Variants in ZNF469 observed in about 807,000 individuals in gnomAD.
ZNF469 encodes the protein zinc finger protein 469.
ZNF469 carries 1 observed loss-of-function variant against 1.0 expected under a neutral mutation model. That is an observed-to-expected ratio of 1.00 (90% confidence interval 0.35 to 4.73). The LOEUF (loss-of-function observed/expected upper bound fraction) is 4.73, where lower values mean the gene tolerates loss of function less well. ZNF469 is among the 30% of genes most tolerant of loss of function. The probability of loss-of-function intolerance (pLI) is 0.16; values close to 1 mark genes in which losing one functional copy is unlikely to be tolerated. For synonymous variants in ZNF469, 2,703 were observed against 2,363.4 expected, an observed-to-expected ratio of 1.14 and a Z score of -4.17; for missense variants, 6,100 against 5,356.3, an observed-to-expected ratio of 1.14 and a Z score of -4.33.
chr16:88,257,050 G>A, the ZNF469 span, among the ~76,000 whole-genome samples: 2 of 149,388 alleles, frequency 1.3e-5, no homozygotes, highest in Non-Finnish European at 3.0e-5. Context: ...CTAGGTTCAA[G>A]TGATTCTCCT....
chr16:88,193,216 GTGA>G, the ZNF469 span, among the ~76,000 whole-genome samples: 3 of 102,428 alleles, frequency 2.9e-5, no homozygotes, highest in East Asian at 3.3e-4. Flanking sequence ...GGGGATGGTG[GTGA>G]TGGTGGTGGT....
chr16:88,431,960 C>G lies in ZNF469; in HGVS notation c.4490C>G (p.Pro1497Arg). 2 of 1,549,568 alleles carry G rather than the reference C, an allele frequency of 1.3e-6. No individual in the cohort carries two copies. Among genetic ancestry groups the G allele is most frequent in the Non-Finnish European group, 1.7e-6 (2 of 1,146,986 alleles). The change falls in exon 3 of 3, where the codon CCG becomes CGG. Residue 1497 changes from proline to arginine, a missense_variant. Pro to Arg is a moderately radical substitution (Grantham distance 103). Coordinates refer to ENST00000565624, the MANE Select transcript of ZNF469 (RefSeq NM_001367624.2). ...CAGAAGACGGTGCCGTCAGATCCACCGTACCCCTCTTTTTTGCTGCTTGAG... is the reference window on the plus strand; with the variant it reads ...CAGAAGACGGTGCCGTCAGATCCACGGTACCCCTCTTTTTTGCTGCTTGAG... ...PPQKTVPSDP[P>R]YPSFLLLEEV... is the part of the protein sequence containing the mutation.
chr16:88,258,437 C>G, the ZNF469 span, among the ~76,000 whole-genome samples: 1 of 143,286 alleles, frequency 7.0e-6, no homozygotes, highest in South Asian at 2.4e-4. Flanking sequence ...CAGCTTACCC[C>G]CTACATTGCC....
chr16:88,182,403 A>C, the ZNF469 span, among the ~76,000 whole-genome samples: 3 of 152,162 alleles, frequency 2.0e-5, no homozygotes, highest in African/African-American at 7.2e-5. Context: ...TGAAAATTAA[A>C]AGGCACTTAA....
the ZNF469 span, among the ~76,000 whole-genome samples, chr16:88,269,729 C>T: frequency 6.6e-6 from 1 of 152,160 alleles, no homozygotes; most frequent in Non-Finnish European, 1.5e-5. Flanking sequence ...CCCCAGCACA[C>T]ATTTGCCGGT....
the ZNF469 span, among the ~76,000 whole-genome samples, chr16:88,308,895 C>T: frequency 4.6e-5 from 7 of 152,312 alleles, no homozygotes; most frequent in African/African-American, 1.7e-4. Context: ...CCTGAGCTCA[C>T]CTCCACATTT....
the ZNF469 span, among the ~76,000 whole-genome samples, chr16:88,164,507 GA>G: frequency 1.2e-4 from 18 of 152,282 alleles, no homozygotes; most frequent in Non-Finnish European, 2.1e-4. Flanking sequence ...ATGTTTGGAT[GA>G]GCAGATGAAT....
At chr16:88,353,873 G>A in the ZNF469 span, among the ~76,000 whole-genome samples, 15 of 152,270 alleles carry the variant, frequency 9.9e-5, no homozygotes, top group African/African-American at 2.4e-4. Context: ...TGGAGCTTCC[G>A]GAGGGAGCAT....
chr16:88,309,107 C>A, the ZNF469 span, among the ~76,000 whole-genome samples: 1 of 152,230 alleles, frequency 6.6e-6, no homozygotes, highest in Non-Finnish European at 1.5e-5. Context: ...GGTTTTCTCA[C>A]AGATTTTCCC....
chr16:88,365,045 A>T, the ZNF469 span, among the ~76,000 whole-genome samples: 1 of 152,202 alleles, frequency 6.6e-6, no homozygotes, highest in Non-Finnish European at 1.5e-5. Context: ...ATGTTTTACG[A>T]TGTTATTTCA....
chr16:88,133,623 AAT>A, the ZNF469 span, among the ~76,000 whole-genome samples: 1 of 141,498 alleles, frequency 7.1e-6, no homozygotes, highest in Non-Finnish European at 1.5e-5. Context: ...TTAATAAATC[AAT>A]AGATTAATAA....
chr16:88,266,298 A>C, the ZNF469 span, among the ~76,000 whole-genome samples: 58 of 152,344 alleles, frequency 3.8e-4, no homozygotes, highest in Admixed American at 1.8e-3. Context: ...GGCCAGGTCC[A>C]CGCTGACCAC....
At chr16:88,235,757 C>T in the ZNF469 span, among the ~76,000 whole-genome samples, 1 of 152,252 alleles carries the variant, frequency 6.6e-6, no homozygotes, top group East Asian at 1.9e-4. Flanking sequence ...GAGAGTTATT[C>T]TGAGCCAGAT....
At chr16:88,169,448 G>T in the ZNF469 span, among the ~76,000 whole-genome samples, 1 of 152,116 alleles carries the variant, frequency 6.6e-6, no homozygotes, top group Non-Finnish European at 1.5e-5. This position sits in a 1 kb window ranked among gnomAD's most constrained non-coding sequence, Gnocchi z 6.1. Context: ...AGATGATTTT[G>T]CCTGTTCCAG....
Position 88,429,416 on chromosome 16 carries a change from C to A in ZNF469, c.1946C>A (p.Pro649Gln). The A allele has an allele frequency of 1.9e-6, 3 of 1,547,102 alleles. No homozygotes were observed. The highest frequency in any genetic ancestry group is 2.6e-6 in the Non-Finnish European group (3 of 1,144,280). ...CCCCAGGAGACGGGCAGCCCCTTCC[C>A]GTCCCCGGAGCCCCCCCACTCCCTC... ...THPQETGSPF[P>Q]SPEPPHSLPT... The change falls in exon 3 of 3, where the codon CCG becomes CAG. Residue 649 changes from proline (P) to glutamine (Q), a missense_variant. Pro to Gln is a moderately conservative substitution (Grantham distance 76). Coordinates refer to ENST00000565624, the MANE Select transcript of ZNF469 (RefSeq NM_001367624.2).
chr16:88,112,088 T>C, the ZNF469 span, among the ~76,000 whole-genome samples: 1 of 152,226 alleles, frequency 6.6e-6, no homozygotes, highest in Non-Finnish European at 1.5e-5. Flanking sequence ...TGTTTGTCTA[T>C]TGATAGGCAC....
the ZNF469 span, among the ~76,000 whole-genome samples, chr16:88,204,132 G>A: frequency 5.3e-4 from 79 of 149,342 alleles, 1 homozygote; most frequent in African/African-American, 1.8e-3. Flanking sequence ...AGCCGGAGGC[G>A]CTCCGTAACC....
At chr16:88,367,767 G>A in the ZNF469 span, among the ~76,000 whole-genome samples, 4 of 152,114 alleles carry the variant, frequency 2.6e-5, no homozygotes, top group African/African-American at 9.7e-5. Flanking sequence ...TCCGGTCCCT[G>A]GGGTCCCGGG....
intron 1 of ZNF469, among the ~76,000 whole-genome samples, chr16:88,407,372 GAAGGAAGGAGC>G (rs1905051968): frequency 6.6e-6 from 1 of 152,254 alleles, no homozygotes; most frequent in Non-Finnish European, 1.5e-5. Context: ...AGTGTTACGC[GAAGGAAGGAGC>G]AAGCCTGGAC....
Sources: gnomAD v4.1 joint callset for allele counts (sites outside exome capture counted in the v4.1 genomes callset) on GRCh38, gnomAD v4.1.1 for gene constraint, Gnocchi (gnomAD v3.1) non-coding constraint, MANE v1.5 for transcripts, NCBI Gene and HGNC (gene_info 2026-07-23, HGNC 2026-07-21) for gene names.